TRIP13: variants seen among roughly 807,000 people sequenced by gnomAD.
The protein encoded by TRIP13 is pachytene checkpoint protein 2 homolog.
TRIP13 carries 25 observed loss-of-function variants against 54.4 expected under a neutral mutation model. The observed-to-expected ratio is 0.46, with a 90% CI of 0.33 to 0.64. The LOEUF (loss-of-function observed/expected upper bound fraction) is 0.64. Ranked by LOEUF, TRIP13 falls within the 30% of genes least tolerant of loss-of-function variation. TRIP13 has a pLI of 0.02. For synonymous variants in TRIP13, 207 were observed against 207.8 expected (o/e 1.00, Z 0.03); for missense variants, 373 against 534.2 (o/e 0.70, Z 2.97).
chr5:909,911 C>A (rs543299710), intron 9 of TRIP13, among the ~76,000 whole-genome samples: 49 of 152,348 alleles, frequency 3.2e-4, no homozygotes, highest in African/African-American at 1.2e-3. Flanking sequence ...GTGTCCCTTG[C>A]CCTCATTCTG....
At chr5:904,879 G>A (rs909479268) in intron 6 of TRIP13, among the ~76,000 whole-genome samples, 2 of 152,052 alleles carry the variant, frequency 1.3e-5, no homozygotes, top group African/African-American at 4.8e-5. Context: ...TTCACGTCTT[G>A]AACAACCCCA....
rs866538274 is a variant in TRIP13 at position 908,252 on chromosome 5, C to T, written c.760-103C>T. On this transcript the variant is annotated intron_variant, in intron 8 of 12. Transcript: ENST00000166345. This position sits in a 1 kb window ranked among gnomAD's most constrained non-coding sequence, Gnocchi z 5.2. ...ATCCGCAGGCTAGGCACGGGAACAC[C>T]CATTCATTCATCTTTTTCACGTGCT... The T allele has an allele frequency of 1.4e-6, 2 of 1,437,524 alleles. No individual in the cohort carries two copies. Among genetic ancestry groups the T allele is most frequent in the African/African-American group, 1.4e-5 (1 of 71,626 alleles). The allele number at this position is 1,437,524 out of a possible 1,614,324, so 89.0% of individuals were successfully genotyped here. A position where few individuals can be genotyped will look rare whatever the true frequency, so the allele number is the denominator to read the frequency against.
intron 1 of TRIP13, among the ~76,000 whole-genome samples, chr5:894,470 T>C (rs898810284): frequency 6.6e-6 from 1 of 152,254 alleles, no homozygotes; most frequent in African/African-American, 2.4e-5. Context: ...CATTATTGCG[T>C]GCTTACTATG....
chr5:916,822 T>C (rs1754350765), intron 12 of TRIP13, among the ~76,000 whole-genome samples, 186 bp from the exon 13 acceptor site: 1 of 152,202 alleles, frequency 6.6e-6, no homozygotes, highest in Non-Finnish European at 1.5e-5. Flanking sequence ...TGTTCGCCTT[T>C]TCTGAAGTAA....
At chr5:893,377 ACCC>A (rs1753750147) in intron 1 of TRIP13, among the ~76,000 whole-genome samples, 3 of 151,672 alleles carry the variant, frequency 2.0e-5, no homozygotes, top group African/African-American at 7.3e-5. Context: ...CCTGGCCCTG[ACCC>A]TGCCCCTGCC....
At chr5:906,568 G>A (rs575617069) in intron 6 of TRIP13, among the ~76,000 whole-genome samples, 2 of 152,308 alleles carry the variant, frequency 1.3e-5, no homozygotes, top group South Asian at 4.1e-4. Context: ...AGAGGACCTG[G>A]AAGTCAGTTT....
At chr5:901,194 G>T (rs932027552) in intron 4 of TRIP13, 147 bp from the exon 5 acceptor site, 50 of 576,932 alleles carry the variant, frequency 8.7e-5, no homozygotes, top group Middle Eastern at 4.6e-4. Flanking sequence ...AAATGAAAGC[G>T]TTTGGAGGTG....
intron 9 of TRIP13, among the ~76,000 whole-genome samples, chr5:910,308 T>G (rs1754204256): frequency 6.6e-6 from 1 of 152,224 alleles, no homozygotes; most frequent in Non-Finnish European, 1.5e-5. Flanking sequence ...CCCCGGTTTA[T>G]GCTGCTGGCG....
At chr5:918,527 G>T (rs1245989960), downstream of TRIP13, among the ~76,000 whole-genome samples, 5 of 152,210 alleles carry the variant, frequency 3.3e-5, no homozygotes, top group Admixed American at 1.3e-4. This position sits in a 1 kb window ranked among gnomAD's most constrained non-coding sequence, Gnocchi z 4.3. Context: ...AAACAGTTGG[G>T]GGTGGGGTAT....
At chr5:896,956 G>A (rs1160898941) in intron 3 of TRIP13, among the ~76,000 whole-genome samples, 162 bp downstream of exon 3, 1 of 152,234 alleles carries the variant, frequency 6.6e-6, no homozygotes. Flanking sequence ...AAAGAGGAAA[G>A]TAGAGATTTC....
Position 908,668 on chromosome 5 carries a change from G to T in TRIP13, c.866+207G>T. The T allele has an allele frequency of 7.2e-7, 1 of 1,380,982 alleles. No individual in the cohort carries two copies. Among genetic ancestry groups the T allele is most frequent in the Non-Finnish European group, 9.4e-7 (1 of 1,062,876 alleles). The allele number at this position is 1,380,982 out of a possible 1,614,324, so 85.5% of individuals were successfully genotyped here. A position where few individuals can be genotyped will look rare whatever the true frequency, so the allele number is the denominator to read the frequency against. On this transcript the variant is annotated intron_variant, in intron 9 of 12. Transcript: ENST00000166345. The surrounding 1 kb of genome is among the most constrained non-coding windows in gnomAD (Gnocchi z 5.2). ...AAATTGTTTTTAGTGTGTTAAAAAT[G>T]TAATAGAAGGCCAGGCGCGGTGGCT...
chr5:902,670 G>C (rs1008607721), intron 5 of TRIP13, among the ~76,000 whole-genome samples: 3 of 145,748 alleles, frequency 2.1e-5, no homozygotes, highest in Non-Finnish European at 4.4e-5. Context: ...ACAAGACAAA[G>C]AGATAAAAGA....
At chr5:914,436 G>A in intron 10 of TRIP13, 29 bp from the exon 11 acceptor site, 1 of 1,572,936 alleles carries the variant, frequency 6.4e-7, no homozygotes. Flanking sequence ...TGTGGACTCA[G>A]CTAACCGCCT....
chr5:913,054 G>T lies in TRIP13; in HGVS notation c.1020+1058G>T, dbSNP rs1754274493. ...GCCTGCCCGGGTCAGCACTGTCCAG[G>T]CATGGTTTTCTTGGGGGTTGGGGAA... On this transcript the variant is annotated intron_variant, in intron 10 of 12. Transcript: ENST00000166345. This position sits in a 1 kb window ranked among gnomAD's most constrained non-coding sequence, Gnocchi z 4.5. Among the ~76,000 whole-genome samples, 1 of 152,174 alleles carries T rather than the reference G, an allele frequency of 6.6e-6. No homozygotes were observed. The highest frequency in any genetic ancestry group is 2.4e-5 in the African/African-American group (1 of 41,430).
chr5:912,110 T>A lies in TRIP13; in HGVS notation c.1020+114T>A. On this transcript the variant is annotated intron_variant, in intron 10 of 12. Transcript: ENST00000166345. The surrounding 1 kb of genome is among the most constrained non-coding windows in gnomAD (Gnocchi z 7.2). ...GTACGGAGGATTTCAACATATGCAT[T>A]AACTCCCTTCTTAAATTGAAAACTA... 7.9e-7 allele frequency: 1 copy of A among 1,263,640 alleles called. No homozygotes were observed. Among genetic ancestry groups the A allele is most frequent in the Non-Finnish European group, 1.1e-6 (1 of 922,034 alleles). The allele number at this position is 1,263,640 out of a possible 1,614,324, so 78.3% of individuals were successfully genotyped here.
At chr5:893,201 G>T in intron 1 of TRIP13, 111 bp downstream of exon 1, 8 of 1,115,524 alleles carry the variant, frequency 7.2e-6, no homozygotes, top group Non-Finnish European at 8.9e-6. Context: ...GAACCCCAGG[G>T]TACTGATCCG....
chr5:896,732 G>A lies in TRIP13; in HGVS notation c.326G>A (p.Ser109Asn). Reference sequence around the variant, plus strand: ...CAGCTGAATGAAGATGGCCCCAGCAGTGAAAATCTGGAGGAAGAGACAGAA... The same window carrying A: ...CAGCTGAATGAAGATGGCCCCAGCAATGAAAATCTGGAGGAAGAGACAGAA... ...IFQLNEDGPS[S>N]ENLEEETENI... The change falls in exon 3 of 13, where the codon AGT becomes AAT. Residue 109 changes from serine to asparagine, a missense_variant. Transcript: ENST00000166345. 6.2e-7 allele frequency: 1 copy of A among 1,614,010 alleles called. No homozygotes were observed.
chr5:912,038 T>C lies in TRIP13; in HGVS notation c.1020+42T>C. 6.3e-7 allele frequency: 1 copy of C among 1,584,706 alleles called. No homozygotes were observed. The highest frequency in any genetic ancestry group is 1.2e-5 in the South Asian group (1 of 86,770). On this transcript the variant is annotated intron_variant, in intron 10 of 12. Coordinates refer to ENST00000166345, the MANE Select transcript of TRIP13 (RefSeq NM_004237.4). The surrounding 1 kb of genome is among the most constrained non-coding windows in gnomAD (Gnocchi z 7.2). ...TTTCCTCTTGATACAAATGGATTTC[T>C]TATATGTTCTTAATTAATTAAGATA...
In TRIP13 at chr5:912,524, G is replaced by A. The variant is rs562861945; in HGVS notation, c.1020+528G>A. On this transcript the variant is annotated intron_variant, in intron 10 of 12. Transcript: ENST00000166345. This position sits in a 1 kb window ranked among gnomAD's most constrained non-coding sequence, Gnocchi z 7.2. Reference sequence around the variant, plus strand: ...GTGTGTGTGAGTCAGGAAGGCCGTCGCCACGGGCAGAGCGACGCGTGCGGG... The same window carrying A: ...GTGTGTGTGAGTCAGGAAGGCCGTCACCACGGGCAGAGCGACGCGTGCGGG... Among the ~76,000 whole-genome samples the A allele has an allele frequency of 2.0e-5, 3 of 152,154 alleles. No individual in the cohort carries two copies. The highest frequency in any genetic ancestry group is 3.9e-4 in the East Asian group (2 of 5,170).
Sources: gnomAD v4.1 joint callset for allele counts (sites outside exome capture counted in the v4.1 genomes callset) on GRCh38, gnomAD v4.1.1 for gene constraint, Gnocchi (gnomAD v3.1) non-coding constraint, MANE v1.5 for transcripts, NCBI Gene and HGNC (gene_info 2026-07-23, HGNC 2026-07-21) for gene names.